Variants in MIOS observed in about 807,000 individuals in gnomAD.
The protein encoded by MIOS is meiosis regulator for oocyte development, also known as GATOR2 complex protein MIOS.
In MIOS, 52 loss-of-function variants were observed where a neutral mutation model predicts 96.9. The observed-to-expected ratio is 0.54, with a 90% CI of 0.43 to 0.68. The LOEUF is 0.68. MIOS is among the 30% of genes least tolerant of loss of function. The pLI, the probability that MIOS is intolerant of heterozygous loss-of-function variation, is 0.00. For missense variants in MIOS, 1,005 were observed against 1,052.8 expected (o/e 0.95, Z 0.63); for synonymous variants, 397 against 359.5 (o/e 1.10, Z -1.18).
Position 7,583,128 on chromosome 7 carries a change from A to C in MIOS, c.1404A>C (p.Glu468Asp), listed in dbSNP as rs764136157. 1.9e-6 allele frequency: 3 copies of C among 1,609,726 alleles called. No homozygotes were observed. In the Admixed American group the frequency reaches 5.1e-5, roughly 27 times the overall value. Residue 468 changes from glutamate (E) to aspartate (D), a missense_variant, in exon 6 of 13, where the codon GAA becomes GAC. Glu to Asp is a conservative substitution (Grantham distance 45, BLOSUM62 2). Coordinates refer to ENST00000340080, the MANE Select transcript of MIOS (RefSeq NM_019005.4). ...GTTTTCTGTTTTTAGGAATGGTGGA[A>C]AGCAGCAGACATAATTGGAGTGGGT... ...SIVKSSLGMV[E>D]SSRHNWSGLD...
Position 7,573,721 on chromosome 7 carries a change from G to T in MIOS, c.1246G>T (p.Ala416Ser). 6.2e-7 allele frequency: 1 copy of T among 1,611,864 alleles called. No individual in the cohort carries two copies. The highest frequency in any genetic ancestry group is 8.5e-7 in the Non-Finnish European group (1 of 1,178,788). The change falls in exon 4 of 13, where the codon GCT becomes TCT. Residue 416 changes from alanine to serine, a missense_variant. This residue lies in a region of MIOS where 865 missense variants were observed against 887.9 expected (regional missense o/e 0.97). Transcript: ENST00000340080. This position sits in a 1 kb window ranked among gnomAD's most constrained non-coding sequence, Gnocchi z 5.0. Reference protein sequence around the residue: ...TEQVWRNHILAGNEDPQLKSL... With the variant: ...TEQVWRNHILSGNEDPQLKSL... Reference sequence around the variant, plus strand: ...GCAGGTGTGGAGGAACCACATTTTAGCTGGAAATGAAGATCCACAGCTCAA... The same window carrying T: ...GCAGGTGTGGAGGAACCACATTTTATCTGGAAATGAAGATCCACAGCTCAA...
At chr7:7,582,671 G>A in intron 5 of MIOS, 1 of 947,504 alleles carries the variant, frequency 1.1e-6, no homozygotes, top group African/African-American at 1.8e-5. Flanking sequence ...CTGGATTTCA[G>A]ACAGTAGGGA....
intron 12 of MIOS, 111 bp from the exon 13 acceptor site, chr7:7,606,885 C>T (rs550477925): frequency 1.0e-4 from 83 of 815,028 alleles, no homozygotes; most frequent in Non-Finnish European, 1.4e-4. Context: ...CAAAAGTGTG[C>T]GTACAGCCTG....
Position 7,577,422 on chromosome 7 carries a change from G to A in MIOS, c.1393+3226G>A, listed in dbSNP as rs561320137. On this transcript the variant is annotated intron_variant, in intron 5 of 12. Transcript: ENST00000340080. Reference sequence around the variant, plus strand: ...ATCAATTATAAATACTTTTTTTGAAGGAATTTGACTATATAAAGGAGGACA... The same window carrying A: ...ATCAATTATAAATACTTTTTTTGAAAGAATTTGACTATATAAAGGAGGACA... 2.0e-5 allele frequency among the ~76,000 whole-genome samples: 3 copies of A among 152,202 alleles called. No homozygotes were observed. In the South Asian group the frequency reaches 6.2e-4, roughly 32 times the overall value.
Position 7,572,292 on chromosome 7 carries a change from A to T in MIOS, c.-40-144A>T, listed in dbSNP as rs1452858938. The T allele has an allele frequency of 2.2e-6, 1 of 461,926 alleles. No individual in the cohort carries two copies. Among genetic ancestry groups the T allele is most frequent in the African/African-American group, 2.0e-5 (1 of 49,724 alleles). The allele number at this position is 461,926 out of a possible 1,614,324, so 28.6% of individuals were successfully genotyped here. On this transcript the variant is annotated intron_variant, in intron 3 of 12. Coordinates refer to ENST00000340080, the MANE Select transcript of MIOS (RefSeq NM_019005.4). The surrounding 1 kb of genome is among the most constrained non-coding windows in gnomAD (Gnocchi z 4.8). The stretch of plus-strand genomic sequence containing the variant: ...TTTCAATAAATATTTTCTTGAATTC[A>T]TAGCAGATAGAGAGAAGAAATACAA...
chr7:7,574,333 T>G, intron 5 of MIOS, 137 bp downstream of exon 5: 3 of 593,482 alleles, frequency 5.1e-6, no homozygotes, highest in Non-Finnish European at 8.5e-6. Context: ...GATTGGATAT[T>G]TCATTGTATT....
intron 5 of MIOS, among the ~76,000 whole-genome samples, chr7:7,575,106 C>T (rs1018771694): frequency 7.9e-5 from 12 of 151,988 alleles, no homozygotes; most frequent in African/African-American, 2.7e-4. Context: ...ATCTAGGATT[C>T]GTTCTCTAAC....
chr7:7,597,510 AT>A (rs1563041103), intron 11 of MIOS, among the ~76,000 whole-genome samples: 4,002 of 57,550 alleles, frequency 0.07, 924 homozygotes, highest in South Asian at 0.13. Flanking sequence ...ATATATATAT[AT>A]ATATATGAAG....
chr7:7,567,365 C>T (rs930280648), intron 1 of MIOS: 2 of 152,592 alleles, frequency 1.3e-5, no homozygotes, highest in Admixed American at 6.5e-5. Flanking sequence ...CCGGGAGGCT[C>T]AGCCAGGTGC....
chr7:7,603,155 G>A (rs1187496904), intron 11 of MIOS, among the ~76,000 whole-genome samples: 1 of 152,130 alleles, frequency 6.6e-6, no homozygotes, highest in Non-Finnish European at 1.5e-5. Flanking sequence ...ATAGGCATGG[G>A]CAAGGACTTC....
Position 7,573,289 on chromosome 7 carries a change from A to G in MIOS, c.814A>G (p.Lys272Glu). 6.2e-7 allele frequency: 1 copy of G among 1,614,124 alleles called. No homozygotes were observed. Among genetic ancestry groups the G allele is most frequent in the Non-Finnish European group, 8.5e-7 (1 of 1,179,980 alleles). The change falls in exon 4 of 13, where the codon AAA becomes GAA. Residue 272 changes from lysine to glutamate, a missense_variant. Transcript: ENST00000340080. The surrounding 1 kb of genome is among the most constrained non-coding windows in gnomAD (Gnocchi z 5.0). The stretch of plus-strand genomic sequence containing the variant: ...GACTGAGCAACCAAAACCCTTAACA[A>G]AAGTAGCATGGTGTCCCACTAGGAC... ...TLTEQPKPLT[K>E]VAWCPTRTGL...
intron 12 of MIOS, among the ~76,000 whole-genome samples, chr7:7,606,744 T>C (rs1784541639): frequency 6.6e-6 from 1 of 152,178 alleles, no homozygotes; most frequent in African/African-American, 2.4e-5. Context: ...TGGGTTTTAG[T>C]TTCTATATTT....
chr7:7,601,020 G>T (rs991674344), intron 11 of MIOS, among the ~76,000 whole-genome samples: 2 of 152,094 alleles, frequency 1.3e-5, no homozygotes, highest in Non-Finnish European at 2.9e-5. Flanking sequence ...TGAAACCAAC[G>T]AGAACAAAGA....
At chr7:7,606,092 T>C in intron 12 of MIOS, 21 bp downstream of exon 12, 1 of 1,612,728 alleles carries the variant, frequency 6.2e-7, no homozygotes, top group Non-Finnish European at 8.5e-7. Flanking sequence ...CATTTCTTCT[T>C]TGATAGGCTT....
chr7:7,591,573 C>A (rs1200068841), intron 9 of MIOS, among the ~76,000 whole-genome samples: 1 of 152,134 alleles, frequency 6.6e-6, no homozygotes, highest in African/African-American at 2.4e-5. Flanking sequence ...AGCCACCACG[C>A]CCAGCCTAAA....
At chr7:7,589,177 T>C (rs1304131658) in intron 8 of MIOS, among the ~76,000 whole-genome samples, 1 of 152,152 alleles carries the variant, frequency 6.6e-6, no homozygotes, top group East Asian at 1.9e-4. Flanking sequence ...CTTTTATGGA[T>C]TAATTATCAA....
intron 11 of MIOS, among the ~76,000 whole-genome samples, chr7:7,603,455 GA>G (rs1784436697): frequency 6.6e-6 from 1 of 151,932 alleles, no homozygotes; most frequent in Admixed American, 6.6e-5. Flanking sequence ...AAAAACACGT[GA>G]AAAAATGTTC....
At chr7:7,595,379 C>T (rs922082437) in intron 10 of MIOS, among the ~76,000 whole-genome samples, 1 of 152,106 alleles carries the variant, frequency 6.6e-6, no homozygotes, top group African/African-American at 2.4e-5. Context: ...AGTGTATTTC[C>T]AGCCCTTTCA....
At chr7:7,582,047 C>T (rs987922309) in intron 5 of MIOS, among the ~76,000 whole-genome samples, 2 of 152,122 alleles carry the variant, frequency 1.3e-5, no homozygotes, top group Admixed American at 6.5e-5. Context: ...GGAATGCAGC[C>T]GTTTTTAACA....
Sources: allele counts gnomAD v4.1 joint callset (sites outside exome capture counted in the v4.1 genomes callset), GRCh38; gene constraint gnomAD v4.1.1; regional missense constraint gnomAD v4.1.1; non-coding constraint Gnocchi (gnomAD v3.1); transcripts MANE v1.5; gene names NCBI Gene and HGNC (gene_info 2026-07-23, HGNC 2026-07-21).